The following RAD54L2 variants were observed in gnomAD, a reference collection of about 807,000 sequenced individuals.
RAD54L2 encodes the protein helicase ARIP4.
A neutral mutation model predicts 138.4 loss-of-function variants in RAD54L2; 27 were observed. The observed-to-expected ratio is 0.20, with a 90% CI of 0.14 to 0.27. The LOEUF (loss-of-function observed/expected upper bound fraction) is 0.27, where lower values mean the gene tolerates loss of function less well. Among genes scored for constraint, RAD54L2 ranks in the 10% least tolerant of loss-of-function variants. The pLI is 1.00. For synonymous variants in RAD54L2, 644 were observed against 723.2 expected (o/e 0.89, Z 1.76); for missense variants, 1,396 against 1,890.2 (o/e 0.74, Z 4.85).
chr3:51,616,741 TTGCTTGA>T (rs1700452670), intron 3 of RAD54L2, among the ~76,000 whole-genome samples: 1 of 152,006 alleles, frequency 6.6e-6, no homozygotes, highest in African/African-American at 2.4e-5. Context: ...GGCAGGAAAA[TTGCTTGA>T]ACCCAGGAGG....
At chr3:51,641,445 T>C (rs976023133) in intron 14 of RAD54L2, among the ~76,000 whole-genome samples, 7 of 151,702 alleles carry the variant, frequency 4.6e-5, no homozygotes, top group African/African-American at 1.5e-4. Flanking sequence ...GCCTCCCAAA[T>C]AGCTGGGATT....
intron 3 of RAD54L2, among the ~76,000 whole-genome samples, chr3:51,609,251 T>C (rs1700276133): frequency 6.6e-6 from 1 of 152,246 alleles, no homozygotes; most frequent in Non-Finnish European, 1.5e-5. Flanking sequence ...CTCCAGCTTT[T>C]TGCATTCACA....
intron 3 of RAD54L2, among the ~76,000 whole-genome samples, chr3:51,593,225 C>G (rs1031978363): frequency 5.9e-5 from 9 of 151,934 alleles, no homozygotes; most frequent in Admixed American, 2.0e-4. Context: ...TCCTACAATG[C>G]ATAGGAGAGC....
chr3:51,573,586 C>T (rs1166797833), intron 2 of RAD54L2, among the ~76,000 whole-genome samples: 4 of 152,060 alleles, frequency 2.6e-5, no homozygotes, highest in Non-Finnish European at 5.9e-5. Flanking sequence ...CAGGCAAGCG[C>T]CACCACGCCC....
intron 2 of RAD54L2, among the ~76,000 whole-genome samples, chr3:51,558,135 C>G (rs918353311): frequency 1.3e-5 from 2 of 151,994 alleles, no homozygotes; most frequent in East Asian, 3.9e-4. Context: ...TGTGAGCCAC[C>G]GCCCCTGGCC....
At chr3:51,606,049 G>A (rs928769819) in intron 3 of RAD54L2, among the ~76,000 whole-genome samples, 2 of 152,226 alleles carry the variant, frequency 1.3e-5, no homozygotes, top group African/African-American at 4.8e-5. Flanking sequence ...AGACCTGTGA[G>A]AGCACTGCGA....
rs533151209 is a variant in RAD54L2, at chr3:51,665,752, T to A, written c.*2332T>A. 1 of 152,318 alleles carries A rather than the reference T, an allele frequency of 6.6e-6. No individual in the cohort carries two copies. The highest frequency in any genetic ancestry group is 2.4e-5 in the African/African-American group (1 of 41,552). 9.4% of individuals were successfully genotyped at this position (152,318 alleles called of 1,614,324 possible). A position where few individuals can be genotyped will look rare whatever the true frequency, so the allele number is the denominator to read the frequency against. On this transcript the variant is annotated 3_prime_UTR_variant, in exon 23 of 23. Transcript: ENST00000684192. ...GACACACTCAGAACCTGGGTTACAC[T>A]GATGCCTCTCAGGCCCTGGAGCACT...
intron 2 of RAD54L2, among the ~76,000 whole-genome samples, chr3:51,559,333 T>G (rs150240060): frequency 1.8e-4 from 27 of 152,334 alleles, no homozygotes; most frequent in African/African-American, 6.5e-4. Flanking sequence ...GGTAGAACAT[T>G]TGGCTTTTTG....
intron 2 of RAD54L2, among the ~76,000 whole-genome samples, chr3:51,572,482 G>T (rs187359385): frequency 1.3e-5 from 2 of 150,582 alleles, no homozygotes; most frequent in Non-Finnish European, 3.0e-5. Flanking sequence ...GCTGGACATG[G>T]TGATTCACGC....
chr3:51,555,644 T>C (rs1245697847), intron 2 of RAD54L2, among the ~76,000 whole-genome samples: 1 of 152,044 alleles, frequency 6.6e-6, no homozygotes, highest in Non-Finnish European at 1.5e-5. Context: ...GGTGACAGAG[T>C]GAGACCAAGC....
chr3:51,555,429 A>T (rs1219975667), intron 2 of RAD54L2, among the ~76,000 whole-genome samples: 1 of 152,090 alleles, frequency 6.6e-6, no homozygotes, highest in Non-Finnish European at 1.5e-5. Context: ...CATGGCCAAT[A>T]TGGTGAAACC....
rs1701821281 is a variant in RAD54L2 at position 51,662,930 on chromosome 3, T to C, written c.3914T>C (p.Leu1305Pro). The change falls in exon 23 of 23, where the codon CTC (leucine) becomes CCC (proline). Residue 1305 changes from leucine (L) to proline (P), a missense_variant. Coordinates refer to ENST00000684192, the MANE Select transcript of RAD54L2 (RefSeq NM_015106.4). This position sits in a 1 kb window ranked among gnomAD's most constrained non-coding sequence, Gnocchi z 4.6. ...CCACCCGTCTCCTTAAACCATAACC[T>C]CACCACCCCCTTCACCTCCCAGGCT... ...AMPPVSLNHN[L>P]TTPFTSQAGE... The C allele has an allele frequency of 6.2e-7, 1 of 1,613,556 alleles. No homozygotes were observed. Among genetic ancestry groups the C allele is most frequent in the African/African-American group, 1.3e-5 (1 of 74,836 alleles).
chr3:51,637,183 C>T lies in RAD54L2; in HGVS notation c.1362C>T (p.Arg454=), dbSNP rs773252544. ...TAGAGTTTGAGAAGGCTTTATGCCG[C>T]CCTGGCCCTGATGTAGTAATCTGTG... ...FRREFEKALC[R]PGPDVVICDE... Residue 454 remains arginine, a synonymous_variant, in exon 11 of 23, where the codon CGC becomes CGT. Transcript: ENST00000684192. This position sits in a 1 kb window ranked among gnomAD's most constrained non-coding sequence, Gnocchi z 5.9. 1.3e-6 allele frequency: 2 copies of T among 1,586,184 alleles called. No individual in the cohort carries two copies. The highest frequency in any genetic ancestry group is 1.8e-5 in the Admixed American group (1 of 55,638).
intron 2 of RAD54L2, among the ~76,000 whole-genome samples, chr3:51,544,493 C>T (rs1285045231): frequency 6.6e-6 from 1 of 152,204 alleles, no homozygotes; most frequent in Non-Finnish European, 1.5e-5. Context: ...AGGCCATTTA[C>T]TGCTCTGAGT....
intron 9 of RAD54L2, among the ~76,000 whole-genome samples, 196 bp downstream of exon 9, chr3:51,634,231 C>T (rs916359329): frequency 3.9e-5 from 6 of 152,046 alleles, no homozygotes; most frequent in Non-Finnish European, 8.8e-5. Flanking sequence ...GTTAAGTAGC[C>T]TGAGAAATTT....
Position 51,647,310 on chromosome 3 carries a change from C to T in RAD54L2, c.3026+829C>T, listed in dbSNP as rs185532033. On this transcript the variant is annotated intron_variant, in intron 19 of 22. Coordinates refer to ENST00000684192, the MANE Select transcript of RAD54L2 (RefSeq NM_015106.4). ...CTCGACCTGCTGGGCTCAGGTGATC[C>T]TCACACCTCAGCCTCCCAAGTAGCT... 3.8e-3 allele frequency among the ~76,000 whole-genome samples: 586 copies of T among 152,276 alleles called. 6 individuals are homozygous for T. Among genetic ancestry groups the T allele is most frequent in the African/African-American group, 0.013 (552 of 41,560 alleles).
intron 3 of RAD54L2, among the ~76,000 whole-genome samples, chr3:51,626,764 A>AT (rs1247330705): frequency 1.1e-4 from 17 of 152,008 alleles, no homozygotes; most frequent in Non-Finnish European, 2.9e-5. Context: ...CTTTTAAGGC[A>AT]TTACCTTTAG....
intron 3 of RAD54L2, among the ~76,000 whole-genome samples, chr3:51,602,924 G>T (rs1700107150): frequency 6.6e-6 from 1 of 152,002 alleles, no homozygotes. Flanking sequence ...TTGAACTCCT[G>T]GGCTGAAAGG....
At chr3:51,652,143 A>G (rs1241061102) in intron 19 of RAD54L2, among the ~76,000 whole-genome samples, 3 of 152,154 alleles carry the variant, frequency 2.0e-5, no homozygotes, top group Non-Finnish European at 2.9e-5. Context: ...TACACCAATA[A>G]CAGACAGAGA....
Sources: gnomAD v4.1 joint callset for allele counts (sites outside exome capture counted in the v4.1 genomes callset) on GRCh38, gnomAD v4.1.1 for gene constraint, Gnocchi (gnomAD v3.1) non-coding constraint, MANE v1.5 for transcripts, NCBI Gene and HGNC (gene_info 2026-07-23, HGNC 2026-07-21) for gene names.